Variants in SPPL2B observed in about 807,000 individuals in gnomAD.
SPPL2B encodes the protein signal peptide peptidase-like 2B.
SPPL2B carries 39 observed loss-of-function variants against 59.7 expected under a neutral mutation model. The ratio of observed to expected loss-of-function variants is 0.65; its 90% CI spans 0.51 to 0.85. The LOEUF is 0.85. Among genes scored for constraint, SPPL2B ranks in the 40% least tolerant of loss-of-function variants. The probability of loss-of-function intolerance (pLI) is 0.00; values close to 1 mark genes in which losing one functional copy is unlikely to be tolerated. For missense variants in SPPL2B, 865 were observed against 849.0 expected (o/e 1.02, Z -0.23); for synonymous variants, 419 against 370.8 (o/e 1.13, Z -1.49).
intron 7 of SPPL2B, chr19:2,340,449 C>T: frequency 1.6e-6 from 1 of 626,884 alleles, no homozygotes; most frequent in South Asian, 1.6e-5. Context: ...CCTGGGTTCC[C>T]CAGGGTTCTC....
At chr19:2,350,715 A>T (rs186932843) in intron 13 of SPPL2B, among the ~76,000 whole-genome samples, 28 of 152,290 alleles carry the variant, frequency 1.8e-4, no homozygotes, top group Middle Eastern at 3.4e-3. Flanking sequence ...CGGCGACATC[A>T]CGTTTGCGTT....
intron 7 of SPPL2B, chr19:2,340,645 G>A (rs977825151): frequency 1.4e-5 from 8 of 566,234 alleles, no homozygotes; most frequent in Middle Eastern, 3.3e-4. Context: ...GCAGGGCCTC[G>A]GGCGAAGGGG....
At chr19:2,334,240 C>T (rs934479621) in intron 1 of SPPL2B, among the ~76,000 whole-genome samples, 4 of 151,796 alleles carry the variant, frequency 2.6e-5, no homozygotes, top group East Asian at 1.9e-4. Flanking sequence ...GGGCTCTGCC[C>T]GTGGCTCTGC....
In SPPL2B at chr19:2,354,370, A is replaced by T. The variant is rs1970079024; in HGVS notation, c.*1161A>T. On this transcript the variant is annotated 3_prime_UTR_variant, in exon 15 of 15. Coordinates refer to ENST00000613503, the MANE Select transcript of SPPL2B (RefSeq NM_152988.3). Reference sequence around the variant, plus strand: ...CGCTGCACGTGGTCACTTCCGAAGCAGCGCTCCCTGTGGCCGCAGAGACAG... The same window carrying T: ...CGCTGCACGTGGTCACTTCCGAAGCTGCGCTCCCTGTGGCCGCAGAGACAG... 6.6e-6 allele frequency: 1 copy of T among 152,294 alleles called. No homozygotes were observed. The highest frequency in any genetic ancestry group is 2.1e-4 in the South Asian group (1 of 4,836). 9.4% of individuals were successfully genotyped at this position (152,294 alleles called of 1,614,324 possible). A position where few individuals can be genotyped will look rare whatever the true frequency, so the allele number is the denominator to read the frequency against.
At chr19:2,341,181 A>T in intron 8 of SPPL2B, 167 bp downstream of exon 8, 1 of 698,372 alleles carries the variant, frequency 1.4e-6, no homozygotes, top group Non-Finnish European at 2.6e-6. Flanking sequence ...CAGGGCTGCG[A>T]GGGCGTTTCA....
In SPPL2B at chr19:2,344,793, C is replaced by A. The variant is rs138251101; in HGVS notation, c.1276+141C>A. On this transcript the variant is annotated intron_variant, in intron 12 of 14. Transcript: ENST00000613503. ...GGGTCAGAGTCGGGCAGGTTGGGGC[C>A]GTTGAGGCCTGGGTGCCTGGGCAGC... is the stretch of plus-strand genomic sequence containing the variant. 6.9e-5 allele frequency: 46 copies of A among 663,510 alleles called. No individual in the cohort carries two copies. In the East Asian group the frequency reaches 7.3e-4, roughly 11 times the overall value. 41.1% of individuals were successfully genotyped at this position (663,510 alleles called of 1,614,324 possible).
chr19:2,353,060 C>G lies in SPPL2B; in HGVS notation c.1630C>G (p.Pro544Ala). The G allele has an allele frequency of 6.2e-7, 1 of 1,612,136 alleles. No individual in the cohort carries two copies. Among genetic ancestry groups the G allele is most frequent in the South Asian group, 1.1e-5 (1 of 91,050 alleles). The change falls in exon 15 of 15, where the codon CCC becomes GCC. Residue 544 changes from proline (P) to alanine (A), a missense_variant. Coordinates refer to ENST00000613503, the MANE Select transcript of SPPL2B (RefSeq NM_152988.3). ...QPPSEEPATS[P>A]WPAEQSPKSR... ...GCCCAGCGAAGAACCAGCCACATCC[C>G]CCTGGCCTGCTGAGCAGTCCCCAAA...
At chr19:2,341,519 G>T in intron 8 of SPPL2B, 1 of 446,410 alleles carries the variant, frequency 2.2e-6, no homozygotes, top group Non-Finnish European at 4.6e-6. Flanking sequence ...CCTCCCGCTG[G>T]CCGGGCCTCC....
intron 2 of SPPL2B, chr19:2,337,149 A>G (rs2145152920): frequency 3.1e-6 from 1 of 318,730 alleles, no homozygotes; most frequent in South Asian, 7.6e-5. Context: ...GTGGGGACCC[A>G]CTTGGTCTTG....
chr19:2,339,997 G>T (rs755677607), intron 6 of SPPL2B, 31 bp downstream of exon 6: 12 of 1,553,434 alleles, frequency 7.7e-6, no homozygotes, highest in South Asian at 2.4e-5. Context: ...GGGCCGCGGC[G>T]TGGAGATGCA....
chr19:2,344,091 C>T, intron 10 of SPPL2B, 52 bp downstream of exon 10: 1 of 1,279,244 alleles, frequency 7.8e-7, no homozygotes, highest in Non-Finnish European at 1.1e-6. Flanking sequence ...CCCCCGCCCC[C>T]TCGCAACCCC....
chr19:2,345,204 T>C (rs769193283), intron 12 of SPPL2B, 49 bp from the exon 13 acceptor site: 1 of 1,557,904 alleles, frequency 6.4e-7, no homozygotes, highest in Non-Finnish European at 8.8e-7. Flanking sequence ...AAGCCCCTGC[T>C]CTGAGGCTCT....
Position 2,344,403 on chromosome 19 carries a change from G to A in SPPL2B, c.1155G>A (p.Ser385=), listed in dbSNP as rs753235307. 3 of 1,535,126 alleles carry A rather than the reference G, an allele frequency of 2.0e-6. No individual in the cohort carries two copies. The highest frequency in any genetic ancestry group is 2.8e-5 in the African/African-American group (2 of 70,342). The change falls in exon 11 of 15, where the codon TCG becomes TCA. Residue 385 remains serine (S), a synonymous_variant. Transcript: ENST00000613503. ...SIMVEVATGP[S]DSATREKLPM... is the part of the protein sequence containing the mutation. ...TGGTGGAGGTGGCCACTGGGCCCTCGGACTCAGCCACCCGTGAGAAGGTGT... is the reference window on the plus strand; with the variant it reads ...TGGTGGAGGTGGCCACTGGGCCCTCAGACTCAGCCACCCGTGAGAAGGTGT...
At position 2,344,542 on chromosome 19, in the gene SPPL2B, C is replaced by T. The variant is rs369480711; in HGVS notation, c.1177-11C>T. On this transcript the variant is annotated splice_polypyrimidine_tract_variant and intron_variant, in intron 11 of 14. Transcript: ENST00000613503. ...GTCCTGGAGGACATTGTCCTCTTCC[C>T]GTCTTTGCAGCTGCCCATGGTCCTG... is the stretch of plus-strand genomic sequence containing the variant. 1.5e-4 allele frequency: 239 copies of T among 1,608,278 alleles called. 1 individual carries two copies. In the East Asian group the frequency reaches 3.3e-3, roughly 22 times the overall value.
In SPPL2B at chr19:2,334,667, C is replaced by T. The variant is rs374252016; in HGVS notation, c.132C>T (p.Tyr44=). The change falls in exon 2 of 15, where the codon TAC becomes TAT. Residue 44 remains tyrosine (Y), a synonymous_variant. Coordinates refer to ENST00000613503, the MANE Select transcript of SPPL2B (RefSeq NM_152988.3). ...SQAGGPEGKD[Y]CILYNPQWAH... is the part of the protein sequence containing the mutation. ...CCGGGGGCCCCGAAGGCAAAGACTA[C>T]TGCATCCTCTACAACCCGCAGTGGG... The T allele has an allele frequency of 3.1e-6, 5 of 1,612,970 alleles. No homozygotes were observed. In the East Asian group the frequency reaches 1.1e-4, roughly 36 times the overall value.
chr19:2,340,095 C>G lies in SPPL2B; in HGVS notation c.762C>G (p.Ile254Met). The G allele has an allele frequency of 6.3e-7, 1 of 1,595,164 alleles. No individual in the cohort carries two copies. Among genetic ancestry groups the G allele is most frequent in the Non-Finnish European group, 8.5e-7 (1 of 1,175,890 alleles). ...CTGCAGTGTACGTGGTCATCGGGATCTTCTGCCTGGCCTCCGCCACCGGCC... is the reference window on the plus strand; with the variant it reads ...CTGCAGTGTACGTGGTCATCGGGATGTTCTGCCTGGCCTCCGCCACCGGCC... ...YDLLVYVVIG[I>M]FCLASATGLY... Residue 254 changes from isoleucine (I) to methionine (M), a missense_variant, in exon 7 of 15, where the codon ATC becomes ATG. Ile to Met is a conservative substitution (Grantham distance 10). Coordinates refer to ENST00000613503, the MANE Select transcript of SPPL2B (RefSeq NM_152988.3).
At chr19:2,340,635 G>C in intron 7 of SPPL2B, 1 of 562,312 alleles carries the variant, frequency 1.8e-6, no homozygotes, top group Non-Finnish European at 3.2e-6. Context: ...TCTGGAGCAG[G>C]CAGGGCCTCG....
rs1968718504 is a variant in SPPL2B at position 2,337,461 on chromosome 19, A to G, written c.205A>G (p.Asn69Asp). Residue 69 changes from asparagine (N) to aspartate (D), a missense_variant, in exon 3 of 15, where the codon AAC (asparagine) becomes GAC (aspartate). By Grantham distance (23) the Asn-to-Asp change is conservative (BLOSUM62 1). Transcript: ENST00000613503. ...LSKASFLQLR[N>D]WTASLLCSAA... ...TTTCCAGTCTTTCCTGCAGCTGCGC[A>G]ACTGGACGGCCTCCCTGCTCTGCTC... 6.2e-7 allele frequency: 1 copy of G among 1,607,382 alleles called. No homozygotes were observed. Among genetic ancestry groups the G allele is most frequent in the African/African-American group, 1.3e-5 (1 of 74,772 alleles).
intron 8 of SPPL2B, chr19:2,341,831 G>T: frequency 2.9e-6 from 1 of 339,500 alleles, no homozygotes; most frequent in South Asian, 2.2e-5. Flanking sequence ...GGGCGCAGGG[G>T]CTCACGCCTG....
Sources: allele counts gnomAD v4.1 joint callset (sites outside exome capture counted in the v4.1 genomes callset), GRCh38; gene constraint gnomAD v4.1.1; transcripts MANE v1.5; gene names NCBI Gene and HGNC (gene_info 2026-07-23, HGNC 2026-07-21).